Variants in CGGBP1 observed in about 807,000 individuals in gnomAD.
CGGBP1 encodes CGG triplet repeat binding protein 1.
CGGBP1 carries 4 observed loss-of-function variants against 11.4 expected under a neutral mutation model. The observed-to-expected ratio is 0.35, with a 90% confidence interval of 0.17 to 0.80. The LOEUF is 0.80. Ranked by LOEUF, CGGBP1 falls within the 30% of genes least tolerant of loss-of-function variation. The probability of loss-of-function intolerance (pLI) is 0.52; values close to 1 mark genes in which losing one functional copy is unlikely to be tolerated. For missense variants in CGGBP1, 135 were observed against 202.1 expected, an observed-to-expected ratio of 0.67 and a Z score of 2.01; for synonymous variants, 76 against 74.1, an observed-to-expected ratio of 1.03 and a Z score of -0.13.
intron 2 of CGGBP1, chr3:88,129,060 A>G: frequency 7.4e-7 from 1 of 1,344,186 alleles, no homozygotes; most frequent in Non-Finnish European, 9.9e-7. Flanking sequence ...CCCTACCAAA[A>G]AAAAACCAAA....
chr3:88,078,791 GA>G (rs1402032399), intron 2 of CGGBP1, among the ~76,000 whole-genome samples: 2 of 152,218 alleles, frequency 1.3e-5, no homozygotes, highest in African/African-American at 4.8e-5. Context: ...TTCTTAGGGA[GA>G]TGGGGGATGG....
intron 1 of CGGBP1, chr3:88,141,103 A>T: frequency 6.6e-7 from 1 of 1,520,650 alleles, no homozygotes; most frequent in Middle Eastern, 1.8e-4. Context: ...AATGGCATAA[A>T]TAAAACTATT....
intron 2 of CGGBP1, among the ~76,000 whole-genome samples, chr3:88,080,608 C>A (rs1301002816): frequency 6.6e-6 from 1 of 152,024 alleles, no homozygotes; most frequent in South Asian, 2.1e-4. Flanking sequence ...GCTTCCAAAG[C>A]CTATACTCTT....
chr3:88,149,166 A>C (rs934442142), intron 1 of CGGBP1, among the ~76,000 whole-genome samples: 3 of 152,194 alleles, frequency 2.0e-5, no homozygotes, highest in African/African-American at 7.2e-5. Context: ...ATAACAGCTA[A>C]AGTTTAGTAA....
chr3:88,058,072 G>A lies in CGGBP1; in HGVS notation c.-179C>T, dbSNP rs1398361483. 6.6e-6 allele frequency: 1 copy of A among 152,224 alleles called. No individual in the cohort carries two copies. The highest frequency in any genetic ancestry group is 1.5e-5 in the Non-Finnish European group (1 of 68,040). The allele number at this position is 152,224 out of a possible 1,614,324, so 9.4% of individuals were successfully genotyped here. A position where few individuals can be genotyped will look rare whatever the true frequency, so the allele number is the denominator to read the frequency against. On this transcript the variant is annotated 5_prime_UTR_variant, in exon 2 of 4. Coordinates refer to ENST00000482016, the MANE Select transcript of CGGBP1 (RefSeq NM_001008390.2). The stretch of plus-strand genomic sequence containing the variant: ...GATACTTAGCAGGGAATGGTCTCCA[G>A]AGCGAAACCAGAGACGCATCAAATC...
chr3:88,146,242 GA>G (rs1269564353), intron 1 of CGGBP1, among the ~76,000 whole-genome samples: 4 of 152,184 alleles, frequency 2.6e-5, no homozygotes, highest in Admixed American at 6.5e-5. Context: ...GCTAAGGTTT[GA>G]AAATCACAGA....
chr3:88,098,714 G>C (rs1165099023), intron 2 of CGGBP1, among the ~76,000 whole-genome samples: 2 of 152,254 alleles, frequency 1.3e-5, no homozygotes, highest in East Asian at 3.9e-4. Flanking sequence ...CATATAAACA[G>C]AACCAAAGAC....
At chr3:88,103,168 T>TA (rs1704533372) in intron 2 of CGGBP1, among the ~76,000 whole-genome samples, 1 of 151,884 alleles carries the variant, frequency 6.6e-6, no homozygotes, top group South Asian at 2.1e-4. Flanking sequence ...ACAGACACAT[T>TA]TTTTTTTAAA....
chr3:88,076,965 T>C (rs565379632), intron 2 of CGGBP1, among the ~76,000 whole-genome samples: 33 of 152,310 alleles, frequency 2.2e-4, no homozygotes, highest in African/African-American at 7.7e-4. Flanking sequence ...ACATTAACCT[T>C]GGCCAGGAGC....
At chr3:88,109,193 G>A (rs991151516) in intron 2 of CGGBP1, among the ~76,000 whole-genome samples, 4 of 142,468 alleles carry the variant, frequency 2.8e-5, no homozygotes, top group African/African-American at 1.0e-4. Context: ...GAAGAAAACC[G>A]TTAACTTTTT....
At chr3:88,134,101 G>GT (rs1297536187) in intron 2 of CGGBP1, among the ~76,000 whole-genome samples, 3 of 146,694 alleles carry the variant, frequency 2.0e-5, no homozygotes, top group Non-Finnish European at 4.5e-5. Flanking sequence ...AAGAGTGTGA[G>GT]TTAAAAAAAA....
chr3:88,071,706 A>T (rs1357031499), intron 2 of CGGBP1, among the ~76,000 whole-genome samples: 1 of 151,572 alleles, frequency 6.6e-6, no homozygotes, highest in East Asian at 1.9e-4. Context: ...CAGGAGGATG[A>T]GGCAAGAGAA....
At chr3:88,113,290 A>C in intron 2 of CGGBP1, 1 of 716,044 alleles carries the variant, frequency 1.4e-6, no homozygotes, top group Non-Finnish European at 2.2e-6. Context: ...TATTGCTTAT[A>C]AGTTTTTAAT....
At chr3:88,083,444 G>A (rs1410971042) in intron 2 of CGGBP1, among the ~76,000 whole-genome samples, 3 of 152,014 alleles carry the variant, frequency 2.0e-5, no homozygotes, top group East Asian at 1.9e-4. Flanking sequence ...AAGTGCTGCT[G>A]GATTATTAGC....
At chr3:88,141,797 T>G (rs894755205) in intron 1 of CGGBP1, 6 of 550,394 alleles carry the variant, frequency 1.1e-5, no homozygotes, top group Non-Finnish European at 1.8e-5. Flanking sequence ...AAGCACATTT[T>G]CTAGAATGAA....
At chr3:88,109,937 T>A (rs1399940852) in intron 2 of CGGBP1, among the ~76,000 whole-genome samples, 6 of 152,134 alleles carry the variant, frequency 3.9e-5, no homozygotes, top group Admixed American at 1.3e-4. Flanking sequence ...ATCAGATTTT[T>A]AAAAAAATCT....
intron 1 of CGGBP1, among the ~76,000 whole-genome samples, 182 bp downstream of exon 1, chr3:88,058,633 G>A (rs1368108089): frequency 2.0e-5 from 3 of 152,214 alleles, no homozygotes; most frequent in African/African-American, 4.8e-5. Flanking sequence ...AGTCTCAAGG[G>A]AGGCGGCGGC....
intron 3 of CGGBP1, chr3:88,056,257 A>C (rs986853629): frequency 6.7e-6 from 2 of 298,414 alleles, no homozygotes; most frequent in Non-Finnish European, 1.2e-5. Flanking sequence ...TAAAGAAAGA[A>C]CTCAAACTAT....
At chr3:88,125,236 A>G (rs1032700920) in intron 2 of CGGBP1, among the ~76,000 whole-genome samples, 10 of 148,306 alleles carry the variant, frequency 6.7e-5, no homozygotes, top group African/African-American at 2.6e-4. Context: ...ACAAAAAAAC[A>G]AAAAAAAACC....
Sources: gnomAD v4.1 joint callset for allele counts (sites outside exome capture counted in the v4.1 genomes callset) on GRCh38, gnomAD v4.1.1 for gene constraint, MANE v1.5 for transcripts, NCBI Gene and HGNC (gene_info 2026-07-23, HGNC 2026-07-21) for gene names.